The following RIN3 variants were observed in gnomAD, a reference collection of about 807,000 sequenced individuals.
The protein encoded by RIN3 is Ras and Rab interactor 3.
In RIN3, 54 loss-of-function variants were observed where a neutral mutation model predicts 76.3. That is an observed-to-expected ratio of 0.71 (90% confidence interval 0.57 to 0.89). The LOEUF (loss-of-function observed/expected upper bound fraction) is 0.89. Ranked by LOEUF, RIN3 falls within the 40% of genes least tolerant of loss-of-function variation. The pLI is 0.00. For synonymous variants in RIN3, 576 were observed against 564.0 expected (o/e 1.02, Z -0.30); for missense variants, 1,256 against 1,322.1 (o/e 0.95, Z 0.78).
At chr14:92,631,132 A>G (rs996532095) in intron 4 of RIN3, among the ~76,000 whole-genome samples, 1 of 152,206 alleles carries the variant, frequency 6.6e-6, no homozygotes, top group African/African-American at 2.4e-5. Flanking sequence ...ATGTGTCCCC[A>G]GCACCATGCT....
At chr14:92,585,387 T>A (rs1027025719) in intron 3 of RIN3, among the ~76,000 whole-genome samples, 3 of 152,190 alleles carry the variant, frequency 2.0e-5, no homozygotes, top group African/African-American at 4.8e-5. Flanking sequence ...GGATCTCCAC[T>A]GCCCAGGAGG....
chr14:92,688,279 C>A lies in RIN3; in HGVS notation c.*27C>A. 1 of 1,514,560 alleles carries A rather than the reference C, an allele frequency of 6.6e-7. No individual in the cohort carries two copies. Among genetic ancestry groups the A allele is most frequent in the East Asian group, 2.4e-5 (1 of 41,780 alleles). The allele number at this position is 1,514,560 out of a possible 1,614,324, so 93.8% of individuals were successfully genotyped here. The stretch of plus-strand genomic sequence containing the variant: ...GCCCTCCCGGGGCGCCTCCCCTCAC[C>A]CCCAGGCGCACGTCTGGCCCCGCCT... On this transcript the variant is annotated 3_prime_UTR_variant, in exon 10 of 10. Transcript: ENST00000216487.
Position 92,652,318 on chromosome 14 carries a change from G to A in RIN3, c.1269G>A (p.Glu423=). 1.6e-5 allele frequency: 25 copies of A among 1,607,112 alleles called. No homozygotes were observed. Among genetic ancestry groups the A allele is most frequent in the South Asian group, 2.2e-5 (2 of 90,374 alleles). Residue 423 remains glutamate, a synonymous_variant, in exon 6 of 10, where the codon GAG becomes GAA. Coordinates refer to ENST00000216487, the MANE Select transcript of RIN3 (RefSeq NM_024832.5). This position sits in a 1 kb window ranked among gnomAD's most constrained non-coding sequence, Gnocchi z 6.4. ...LPPQGTSDGP[E]DTPRESTEQG... ...CCCAAGGGACCTCAGACGGCCCTGA[G>A]GACACGCCCCGGGAGAGCACGGAGC...
At chr14:92,596,452 A>G (rs2140083087) in intron 3 of RIN3, among the ~76,000 whole-genome samples, 1 of 152,312 alleles carries the variant, frequency 6.6e-6, no homozygotes, top group South Asian at 2.1e-4. Flanking sequence ...TGTAGATGCC[A>G]CGTGCAAGCT....
intron 3 of RIN3, among the ~76,000 whole-genome samples, chr14:92,579,223 C>T (rs940043172): frequency 3.3e-5 from 5 of 152,190 alleles, no homozygotes; most frequent in East Asian, 1.9e-4. Flanking sequence ...CCACCGTGCC[C>T]GGCCCTGAGC....
In RIN3 at chr14:92,575,756, C is replaced by T. The variant is rs185221376; in HGVS notation, c.250-1604C>T. ...CATCTTGGTTTTGGTGGGTTTGGGC[C>T]GGCTTCTTTACCACGTCCTGTTTTG... On this transcript the variant is annotated intron_variant, in intron 2 of 9. Coordinates refer to ENST00000216487, the MANE Select transcript of RIN3 (RefSeq NM_024832.5). Among the ~76,000 whole-genome samples, 34 of 152,216 alleles carry T rather than the reference C, an allele frequency of 2.2e-4. 1 individual carries two copies. The Middle Eastern group carries it at 0.014, about 61-fold the overall frequency.
At chr14:92,576,670 G>GTTACAATCA (rs1898245665) in intron 2 of RIN3, among the ~76,000 whole-genome samples, 5 of 152,170 alleles carry the variant, frequency 3.3e-5, no homozygotes, top group Admixed American at 3.3e-4. Flanking sequence ...ACCAGCTGGA[G>GTTACAATCA]GAGGGGACGT....
intron 7 of RIN3, among the ~76,000 whole-genome samples, chr14:92,660,012 TCAGA>T (rs1306812568): frequency 1.3e-5 from 2 of 152,158 alleles, no homozygotes; most frequent in East Asian, 3.8e-4. Context: ...AGAACGCCAG[TCAGA>T]CTGGATTAGG....
At chr14:92,566,128 A>C (rs1897908905) in intron 2 of RIN3, among the ~76,000 whole-genome samples, 1 of 152,178 alleles carries the variant, frequency 6.6e-6, no homozygotes, top group Non-Finnish European at 1.5e-5. Context: ...CGGCTATGGT[A>C]GCTTCAGCCA....
At chr14:92,527,650 C>G (rs1472105188) in intron 1 of RIN3, among the ~76,000 whole-genome samples, 1 of 150,154 alleles carries the variant, frequency 6.7e-6, no homozygotes, top group African/African-American at 2.5e-5. Flanking sequence ...CAAAAGCCCC[C>G]TGGGCCCTTT....
intron 7 of RIN3, 89 bp from the exon 8 acceptor site, chr14:92,676,386 C>A: frequency 6.8e-7 from 1 of 1,480,004 alleles, no homozygotes; most frequent in Non-Finnish European, 9.3e-7. Flanking sequence ...CATCCACACT[C>A]AGCAAACCAC....
Position 92,651,936 on chromosome 14 carries a change from A to AGCCCC in RIN3, c.888_892dup (p.Pro298ArgfsTer43), listed in dbSNP as rs1887450695. The AGCCCC allele has an allele frequency of 8.6e-7, 1 of 1,162,204 alleles. No homozygotes were observed. The highest frequency in any genetic ancestry group is 1.1e-6 in the Non-Finnish European group (1 of 902,350). The allele number at this position is 1,162,204 out of a possible 1,614,324, so 72.0% of individuals were successfully genotyped here. A position where few individuals can be genotyped will look rare whatever the true frequency, so the allele number is the denominator to read the frequency against. On this transcript the variant is annotated frameshift_variant, in exon 6 of 10. Transcript: ENST00000216487. LOFTEE classifies it high-confidence loss of function. ...CCCCTGCAGCCCTGCAGCCCAGCCC[A>AGCCCC]GCCCCCTGTGCTCCCTGCTCTTGCC...
intron 3 of RIN3, among the ~76,000 whole-genome samples, chr14:92,608,255 G>A (rs1256797080): frequency 6.6e-6 from 1 of 152,190 alleles, no homozygotes; most frequent in Non-Finnish European, 1.5e-5. Flanking sequence ...TATGACCGAT[G>A]TTACCACTGG....
intron 5 of RIN3, chr14:92,644,494 G>C (rs1308636423): frequency 6.6e-6 from 1 of 151,698 alleles, no homozygotes; most frequent in African/African-American, 2.4e-5. Context: ...GGGAGAGTTT[G>C]ATCTCAGGCA....
chr14:92,520,831 C>T (rs1163026313), intron 1 of RIN3, among the ~76,000 whole-genome samples: 3 of 152,206 alleles, frequency 2.0e-5, no homozygotes, highest in Non-Finnish European at 4.4e-5. Flanking sequence ...TTCCCCTAAC[C>T]TCCATGTTCC....
Position 92,568,414 on chromosome 14 carries a change from C to T in RIN3, c.250-8946C>T, listed in dbSNP as rs1897972586. Among the ~76,000 whole-genome samples the T allele has an allele frequency of 6.6e-6, 1 of 152,214 alleles. No individual in the cohort carries two copies. The highest frequency in any genetic ancestry group is 1.5e-5 in the Non-Finnish European group (1 of 68,030). On this transcript the variant is annotated intron_variant, in intron 2 of 9. Coordinates refer to ENST00000216487, the MANE Select transcript of RIN3 (RefSeq NM_024832.5). This position sits in a 1 kb window ranked among gnomAD's most constrained non-coding sequence, Gnocchi z 4.2. ...GCCAGATTTAAGCTGAGATAATTCA[C>T]CATAATCTAAAATGTTCTTCAGGCA...
intron 1 of RIN3, among the ~76,000 whole-genome samples, chr14:92,550,698 C>T (rs552468024): frequency 6.6e-6 from 1 of 152,338 alleles, no homozygotes; most frequent in African/African-American, 2.4e-5. Flanking sequence ...GTTTGGATTA[C>T]AGGCGTGAGC....
At chr14:92,624,416 T>A (rs1231687874) in intron 4 of RIN3, among the ~76,000 whole-genome samples, 1 of 152,168 alleles carries the variant, frequency 6.6e-6, no homozygotes, top group Admixed American at 6.5e-5. Flanking sequence ...TTGCACCGGG[T>A]TACATTGGTT....
intron 1 of RIN3, among the ~76,000 whole-genome samples, chr14:92,530,343 A>G (rs1376751725): frequency 1.3e-5 from 2 of 152,204 alleles, no homozygotes; most frequent in Non-Finnish European, 2.9e-5. Flanking sequence ...GTAGTGGTCA[A>G]TGCTAATATT....
Sources: allele counts gnomAD v4.1 joint callset (sites outside exome capture counted in the v4.1 genomes callset), GRCh38; gene constraint gnomAD v4.1.1; non-coding constraint Gnocchi (gnomAD v3.1); transcripts MANE v1.5; gene names NCBI Gene and HGNC (gene_info 2026-07-23, HGNC 2026-07-21).